Variants in TSPAN12 observed in about 807,000 individuals in gnomAD.
TSPAN12 encodes tetraspanin 12.
A neutral mutation model predicts 39.2 loss-of-function variants in TSPAN12; 19 were observed. The ratio of observed to expected loss-of-function variants is 0.49; its 90% CI spans 0.34 to 0.71. TSPAN12 has a LOEUF of 0.71. Ranked by LOEUF, TSPAN12 falls within the 30% of genes least tolerant of loss-of-function variation. TSPAN12 has a pLI of 0.01. For missense variants in TSPAN12, 314 were observed against 359.9 expected (o/e 0.87, Z 1.03); for synonymous variants, 119 against 124.8 (o/e 0.95, Z 0.31).
At chr7:120,810,650 A>ACG in intron 5 of TSPAN12, 80 bp from the exon 6 acceptor site, 1 of 786,092 alleles carries the variant, frequency 1.3e-6, no homozygotes, top group East Asian at 2.5e-5. Context: ...ACACACACAC[A>ACG]CACACGTACA....
intron 7 of TSPAN12, among the ~76,000 whole-genome samples, chr7:120,799,314 G>T (rs1469713948): frequency 6.6e-6 from 1 of 150,476 alleles, no homozygotes. Context: ...TCCCAACCAT[G>T]GCCTTTTATT....
intron 7 of TSPAN12, among the ~76,000 whole-genome samples, chr7:120,793,099 A>T (rs922406333): frequency 6.6e-6 from 1 of 152,168 alleles, no homozygotes; most frequent in South Asian, 2.1e-4. Flanking sequence ...AGAATCAATT[A>T]TCCCTTTCTC....
intron 1 of TSPAN12, 86 bp from the exon 2 acceptor site, chr7:120,856,919 G>C: frequency 1.3e-6 from 1 of 781,300 alleles, no homozygotes; most frequent in South Asian, 1.5e-5. Flanking sequence ...CCCGCCCTCA[G>C]CAGGGTCCAG....
At chr7:120,825,785 C>T (rs2116420933) in intron 4 of TSPAN12, among the ~76,000 whole-genome samples, 1 of 152,298 alleles carries the variant, frequency 6.6e-6, no homozygotes, top group Non-Finnish European at 1.5e-5. Flanking sequence ...ATACTAACAA[C>T]CTCAAGAGTA....
At position 120,856,770 on chromosome 7, in the gene TSPAN12, C is replaced by T; in HGVS notation, c.-7G>A. On this transcript the variant is annotated 5_prime_UTR_variant, in exon 2 of 8. Transcript: ENST00000222747. ...CGGAATCTTCTCTGGCCATTGTGAG[C>T]CCCGTAAGGGAGAAGCCCCATCCTT... 1 of 1,614,140 alleles carries T rather than the reference C, an allele frequency of 6.2e-7. No homozygotes were observed. Among genetic ancestry groups the T allele is most frequent in the Non-Finnish European group, 8.5e-7 (1 of 1,179,996 alleles).
intron 4 of TSPAN12, among the ~76,000 whole-genome samples, chr7:120,817,425 C>T (rs1214205567): frequency 6.6e-6 from 1 of 151,128 alleles, no homozygotes; most frequent in African/African-American, 2.4e-5. Flanking sequence ...CCCACATAGC[C>T]GAGGGTGGAA....
chr7:120,840,073 T>C lies in TSPAN12; in HGVS notation c.103A>G (p.Met35Val). 1 of 1,613,896 alleles carries C rather than the reference T, an allele frequency of 6.2e-7. No homozygotes were observed. Among genetic ancestry groups the C allele is most frequent in the Non-Finnish European group, 8.5e-7 (1 of 1,179,892 alleles). The change falls in exon 3 of 8, where the codon ATG becomes GTG. Residue 35 changes from methionine (M) to valine (V), a missense_variant. Coordinates refer to ENST00000222747, the MANE Select transcript of TSPAN12 (RefSeq NM_012338.4). ...AGAACATTATTTAGGTAGTCCCTCA[T>C]CCAAGCAGAAACTGCCAACACACTG... ...SISVLAVSAWMRDYLNNVLTL... is the reference protein window; with the variant it reads ...SISVLAVSAWVRDYLNNVLTL...
intron 7 of TSPAN12, among the ~76,000 whole-genome samples, chr7:120,800,398 G>A (rs1458655199): frequency 6.6e-6 from 1 of 152,094 alleles, no homozygotes; most frequent in Non-Finnish European, 1.5e-5. Context: ...ATCTTGGTAA[G>A]CTGGTAAGAA....
chr7:120,791,301 C>A (rs1035368132), intron 7 of TSPAN12, among the ~76,000 whole-genome samples: 19 of 151,700 alleles, frequency 1.3e-4, no homozygotes, highest in Non-Finnish European at 2.4e-4. Context: ...TGGACTCCAG[C>A]CTGGGCAACA....
intron 3 of TSPAN12, 127 bp downstream of exon 3, chr7:120,839,900 C>A: frequency 2.7e-6 from 2 of 732,522 alleles, no homozygotes; most frequent in African/African-American, 1.7e-5. Flanking sequence ...GTGTCTGTGA[C>A]AAAGGTTGCT....
chr7:120,809,361 C>T (rs945245583), intron 6 of TSPAN12, among the ~76,000 whole-genome samples: 1 of 152,112 alleles, frequency 6.6e-6, no homozygotes, highest in Admixed American at 6.6e-5. Flanking sequence ...TATAAATTTC[C>T]TAATGCTTAT....
At chr7:120,852,418 C>A (rs1048687878) in intron 2 of TSPAN12, among the ~76,000 whole-genome samples, 15 of 152,154 alleles carry the variant, frequency 9.9e-5, no homozygotes, top group African/African-American at 2.7e-4. Flanking sequence ...AAGTGGGGTT[C>A]ATATGCCACA....
chr7:120,854,277 G>C (rs1794826985), intron 2 of TSPAN12, among the ~76,000 whole-genome samples: 1 of 152,220 alleles, frequency 6.6e-6, no homozygotes, highest in South Asian at 2.1e-4. Context: ...AATTGCAGTA[G>C]TGGTAGCAAT....
At chr7:120,795,214 T>A (rs1019130316) in intron 7 of TSPAN12, among the ~76,000 whole-genome samples, 15 of 152,220 alleles carry the variant, frequency 9.9e-5, no homozygotes, top group Non-Finnish European at 1.5e-4. Flanking sequence ...TAATTTTACT[T>A]GAAAATGTTT....
At chr7:120,833,662 C>T (rs1715469807) in intron 4 of TSPAN12, among the ~76,000 whole-genome samples, 1 of 152,126 alleles carries the variant, frequency 6.6e-6, no homozygotes, top group African/African-American at 2.4e-5. Context: ...CTGACAAGCA[C>T]TTGACTGCTT....
chr7:120,842,445 T>C (rs1215951082), intron 2 of TSPAN12, among the ~76,000 whole-genome samples: 2 of 118,130 alleles, frequency 1.7e-5, no homozygotes, highest in African/African-American at 4.2e-5. Flanking sequence ...AATTACAAAC[T>C]GTTAAAAAAA....
chr7:120,834,785 C>G (rs1794447425), intron 4 of TSPAN12, among the ~76,000 whole-genome samples: 1 of 152,076 alleles, frequency 6.6e-6, no homozygotes, highest in Admixed American at 6.6e-5. Context: ...TAAGAAACTT[C>G]CTTAAAAAAT....
At chr7:120,790,831 C>T (rs1041369062) in intron 7 of TSPAN12, among the ~76,000 whole-genome samples, 1 of 152,154 alleles carries the variant, frequency 6.6e-6, no homozygotes, top group African/African-American at 2.4e-5. Context: ...TGCATGGCAA[C>T]TTCATTTAAC....
chr7:120,830,677 G>A (rs1468375989), intron 4 of TSPAN12, among the ~76,000 whole-genome samples: 1 of 151,974 alleles, frequency 6.6e-6, no homozygotes, highest in African/African-American at 2.4e-5. Flanking sequence ...TGTAAGACCT[G>A]AAACTGTAAA....
Sources: allele counts gnomAD v4.1 joint callset (sites outside exome capture counted in the v4.1 genomes callset), GRCh38; gene constraint gnomAD v4.1.1; transcripts MANE v1.5; gene names NCBI Gene and HGNC (gene_info 2026-07-23, HGNC 2026-07-21).